The following CMIP variants were observed in gnomAD, a reference collection of about 807,000 sequenced individuals.
CMIP encodes C-Maf-inducing protein.
Under a neutral mutation model 97.3 loss-of-function variants are expected in CMIP, and 13 were observed. That is an observed-to-expected ratio of 0.13 (90% CI 0.09 to 0.21). CMIP has a LOEUF of 0.21. CMIP is among the 10% of genes least tolerant of loss of function. The pLI is 1.00. For missense variants in CMIP, 847 were observed against 1,024.9 expected (o/e 0.83, Z 2.37); for synonymous variants, 538 against 436.3 (o/e 1.23, Z -2.91).
At chr16:81,468,767 G>A (rs745762199) in intron 1 of CMIP, among the ~76,000 whole-genome samples, 3 of 152,238 alleles carry the variant, frequency 2.0e-5, no homozygotes, top group Non-Finnish European at 4.4e-5. Flanking sequence ...GAATGGGTCC[G>A]CTCAGGCCAG....
intron 1 of CMIP, among the ~76,000 whole-genome samples, chr16:81,507,599 T>G (rs1307548477): frequency 3.9e-4 from 59 of 152,356 alleles, no homozygotes; most frequent in Non-Finnish European, 1.5e-4. Flanking sequence ...TGTGGGAACA[T>G]CCACTTTAGA....
At chr16:81,596,685 G>A (rs141881227) in intron 1 of CMIP, among the ~76,000 whole-genome samples, 17 of 152,074 alleles carry the variant, frequency 1.1e-4, no homozygotes, top group East Asian at 1.9e-4. Flanking sequence ...TTTTTCCAGC[G>A]CCATCCCTCC....
At chr16:81,677,148 G>A (rs1419219034) in intron 9 of CMIP, among the ~76,000 whole-genome samples, 1 of 152,164 alleles carries the variant, frequency 6.6e-6, no homozygotes, top group Non-Finnish European at 1.5e-5. Context: ...GAGTTCGAGG[G>A]TAGGAAGGGC....
In CMIP at chr16:81,691,911, G is replaced by A. The variant is rs1906122641; in HGVS notation, c.1454+71G>A. ...ACCTCAGTTGTCCACCAAGGCCTTA[G>A]TGGGGGGCCAGTCATGTTATGGGGA... On this transcript the variant is annotated intron_variant, in intron 11 of 20. Transcript: ENST00000537098. The A allele has an allele frequency of 4.5e-6, 6 of 1,322,268 alleles. No individual in the cohort carries two copies. In the South Asian group the frequency reaches 4.8e-5, roughly 11 times the overall value. The allele number at this position is 1,322,268 out of a possible 1,614,324, so 81.9% of individuals were successfully genotyped here.
intron 7 of CMIP, among the ~76,000 whole-genome samples, chr16:81,668,895 A>T (rs948910837): frequency 1.1e-5 from 1 of 92,276 alleles, no homozygotes; most frequent in Non-Finnish European, 2.2e-5. Context: ...TTCCGTACCC[A>T]CCTCACACCT....
At chr16:81,511,865 A>G (rs1270571008) in intron 1 of CMIP, among the ~76,000 whole-genome samples, 2 of 152,172 alleles carry the variant, frequency 1.3e-5, no homozygotes, top group African/African-American at 4.8e-5. Context: ...CCTGGCCTCT[A>G]GTTAGTTTTA....
intron 1 of CMIP, among the ~76,000 whole-genome samples, chr16:81,541,544 C>G (rs752634719): frequency 6.6e-6 from 1 of 152,140 alleles, no homozygotes; most frequent in Non-Finnish European, 1.5e-5. Flanking sequence ...AACCTGGTTA[C>G]GCTGGTGAGA....
chr16:81,449,390 G>A (rs1255664548), intron 1 of CMIP, among the ~76,000 whole-genome samples: 1 of 152,192 alleles, frequency 6.6e-6, no homozygotes, highest in Non-Finnish European at 1.5e-5. Flanking sequence ...TTAGTCTGGT[G>A]TTTTCTGAAC....
chr16:81,605,154 A>G (rs1346358825), intron 1 of CMIP, among the ~76,000 whole-genome samples: 1 of 152,192 alleles, frequency 6.6e-6, no homozygotes, highest in Non-Finnish European at 1.5e-5. Context: ...TGAGTCATTT[A>G]CTGCAGAATA....
At chr16:81,497,693 G>A (rs977953649) in intron 1 of CMIP, among the ~76,000 whole-genome samples, 7 of 152,242 alleles carry the variant, frequency 4.6e-5, no homozygotes, top group African/African-American at 1.7e-4. Context: ...CTCGCATAGA[G>A]TGCAGAATCC....
intron 1 of CMIP, among the ~76,000 whole-genome samples, chr16:81,583,005 G>A (rs1325904827): frequency 6.6e-6 from 1 of 152,182 alleles, no homozygotes; most frequent in African/African-American, 2.4e-5. Flanking sequence ...AAAGGGCAAA[G>A]GCTACTCCCT....
intron 1 of CMIP, among the ~76,000 whole-genome samples, chr16:81,557,450 A>G (rs1469610233): frequency 7.2e-5 from 11 of 152,210 alleles, no homozygotes; most frequent in Non-Finnish European, 1.2e-4. Context: ...TTGACAAACA[A>G]TAGTTGTATG....
rs1041349416 is a variant in CMIP at position 81,702,720 on chromosome 16, C to G, written c.1944+51C>G. ...GCTGGATGGAGAAGGTGGGTTGGTC[C>G]TCTCTGTTGGGGAACGGCAGGTGGT... On this transcript the variant is annotated intron_variant, in intron 17 of 20. Coordinates refer to ENST00000537098, the MANE Select transcript of CMIP (RefSeq NM_198390.3). The G allele has an allele frequency of 2.6e-6, 4 of 1,546,580 alleles. 1 individual carries two copies. The African/African-American group carries it at 5.4e-5, about 21-fold the overall frequency.
Position 81,444,896 on chromosome 16 carries a change from CCGCCCCCACCCCGG to C in CMIP, c.-340_-327del, listed in dbSNP as rs1380609610. On this transcript the variant is annotated 5_prime_UTR_variant, in exon 1 of 21. Transcript: ENST00000537098. ...CCGAGACACGCCCGCCCCCACCCCG[CCGCCCCCACCCCGG>C]CGCCCGCCCTCCGCGCCTGGCCCCG... Among the ~76,000 whole-genome samples, 1 of 138,604 alleles carries C rather than the reference CCGCCCCCACCCCGG, an allele frequency of 7.2e-6. No homozygotes were observed. Among genetic ancestry groups the C allele is most frequent in the Non-Finnish European group, 1.6e-5 (1 of 62,586 alleles). 90.9% of individuals were successfully genotyped at this position (138,604 alleles called of 152,430 possible). A position where few individuals can be genotyped will look rare whatever the true frequency, so the allele number is the denominator to read the frequency against.
In CMIP at chr16:81,616,233, A is replaced by G. The variant is rs545046325; in HGVS notation, c.427-4643A>G. 2.3e-3 allele frequency among the ~76,000 whole-genome samples: 342 copies of G among 150,972 alleles called. 1 individual carries two copies. Among genetic ancestry groups the G allele is most frequent in the African/African-American group, 7.9e-3 (324 of 41,014 alleles). ...TACGTGGATCCTGCCTCCTCTCCCA[A>G]TCCTGTGGGTGGGACATAAATACCC... On this transcript the variant is annotated intron_variant, in intron 2 of 20. Transcript: ENST00000537098. The surrounding 1 kb of genome is among the most constrained non-coding windows in gnomAD (Gnocchi z 4.7).
At chr16:81,682,489 C>T (rs1047356809) in intron 10 of CMIP, among the ~76,000 whole-genome samples, 4 of 151,928 alleles carry the variant, frequency 2.6e-5, no homozygotes, top group Admixed American at 6.6e-5. Flanking sequence ...CACTTGAACC[C>T]GGGAGGCGGA....
intron 1 of CMIP, among the ~76,000 whole-genome samples, chr16:81,473,170 CCA>C (rs1378856990): frequency 1.3e-5 from 2 of 152,260 alleles, no homozygotes. Flanking sequence ...GCACTGGTGG[CCA>C]CCGCCTGCAA....
chr16:81,679,691 G>C (rs570103635), intron 10 of CMIP, among the ~76,000 whole-genome samples: 1 of 152,146 alleles, frequency 6.6e-6, no homozygotes, highest in South Asian at 2.1e-4. Flanking sequence ...GGCTCCTTCT[G>C]TGCCTGTCCC....
At chr16:81,526,086 G>A (rs1209799117) in intron 1 of CMIP, among the ~76,000 whole-genome samples, 1 of 152,126 alleles carries the variant, frequency 6.6e-6, no homozygotes, top group African/African-American at 2.4e-5. Context: ...TTTGAGAATA[G>A]TGCTGCTGTG....
Sources: allele counts gnomAD v4.1 joint callset (sites outside exome capture counted in the v4.1 genomes callset), GRCh38; gene constraint gnomAD v4.1.1; non-coding constraint Gnocchi (gnomAD v3.1); transcripts MANE v1.5; gene names NCBI Gene and HGNC (gene_info 2026-07-23, HGNC 2026-07-21).